MFSD2A: variants seen among roughly 807,000 people sequenced by gnomAD.
The protein encoded by MFSD2A is MFSD2 lysolipid transporter A, lysophospholipid, also known as sodium-dependent lysophosphatidylcholine symporter 1.
A neutral mutation model predicts 64.7 loss-of-function variants in MFSD2A; 27 were observed. That is an observed-to-expected ratio of 0.42 (90% CI 0.31 to 0.58). The LOEUF is 0.58. Ranked by LOEUF, MFSD2A falls within the 20% of genes least tolerant of loss-of-function variation. The probability of loss-of-function intolerance (pLI) is 0.18; values close to 1 mark genes in which losing one functional copy is unlikely to be tolerated. For synonymous variants in MFSD2A, 258 were observed against 273.4 expected, an observed-to-expected ratio of 0.94 and a Z score of 0.55; for missense variants, 474 against 679.5, an observed-to-expected ratio of 0.70 and a Z score of 3.36.
In MFSD2A at chr1:39,968,473, C is replaced by T; in HGVS notation, c.1348C>T (p.Leu450=). Residue 450 remains leucine, a synonymous_variant, in exon 12 of 14, where the codon CTG becomes TTG. Coordinates refer to ENST00000372811, the MANE Select transcript of MFSD2A (RefSeq NM_032793.5). This position sits in a 1 kb window ranked among gnomAD's most constrained non-coding sequence, Gnocchi z 4.4. ...GTCACTGGGCATTTCTACCCTCAGT[C>T]TGGAGTGAGTGGGGTGGGGACCTGG... ...GVSLGISTLS[L]DFAGYQTRGC... 1 of 1,614,184 alleles carries T rather than the reference C, an allele frequency of 6.2e-7. No individual in the cohort carries two copies. The highest frequency in any genetic ancestry group is 8.5e-7 in the Non-Finnish European group (1 of 1,179,998).
In MFSD2A at chr1:39,955,903, C is replaced by A; in HGVS notation, c.93+518C>A. 1 of 226,062 alleles carries A rather than the reference C, an allele frequency of 4.4e-6. No individual in the cohort carries two copies. Among genetic ancestry groups the A allele is most frequent in the South Asian group, 4.2e-5 (1 of 23,928 alleles). The allele number at this position is 226,062 out of a possible 1,614,324, so 14.0% of individuals were successfully genotyped here. A position where few individuals can be genotyped will look rare whatever the true frequency, so the allele number is the denominator to read the frequency against. ...CTGAATGTGGATGTTCGCGCGGGAA[C>A]GGTGCTTTGCGCATCGAGACCATCG... On this transcript the variant is annotated intron_variant, in intron 1 of 13. Transcript: ENST00000372811. This position sits in a 1 kb window ranked among gnomAD's most constrained non-coding sequence, Gnocchi z 5.9.
Position 39,960,546 on chromosome 1 carries a change from G to C in MFSD2A, c.353+1721G>C, listed in dbSNP as rs1645017307. Among the ~76,000 whole-genome samples, 1 of 152,252 alleles carries C rather than the reference G, an allele frequency of 6.6e-6. No individual in the cohort carries two copies. Among genetic ancestry groups the C allele is most frequent in the South Asian group, 2.1e-4 (1 of 4,834 alleles). On this transcript the variant is annotated intron_variant, in intron 3 of 13. Transcript: ENST00000372811. The surrounding 1 kb of genome is among the most constrained non-coding windows in gnomAD (Gnocchi z 4.8). Reference sequence around the variant, plus strand: ...CCTGTGCCCGCCTCCCTGGCAGCCAGTAGAAGGGGAGGCTCTGCTGCCACG... The same window carrying C: ...CCTGTGCCCGCCTCCCTGGCAGCCACTAGAAGGGGAGGCTCTGCTGCCACG...
At chr1:39,959,359 CA>C (rs1410797424) in intron 3 of MFSD2A, among the ~76,000 whole-genome samples, 2 of 151,684 alleles carry the variant, frequency 1.3e-5, no homozygotes, top group Non-Finnish European at 2.9e-5. Flanking sequence ...GTGATCTTCC[CA>C]CCTCAGCCTC....
In MFSD2A at chr1:39,968,251, A is replaced by G; in HGVS notation, c.1209-83A>G. 1 of 1,570,908 alleles carries G rather than the reference A, an allele frequency of 6.4e-7. No individual in the cohort carries two copies. On this transcript the variant is annotated intron_variant, in intron 11 of 13. Coordinates refer to ENST00000372811, the MANE Select transcript of MFSD2A (RefSeq NM_032793.5). This position sits in a 1 kb window ranked among gnomAD's most constrained non-coding sequence, Gnocchi z 4.4. ...TGAGCTGTGTACCCATGGTACTGCA[A>G]GCTTCCAGAGGGCCACCTCTTCTCA...
Position 39,958,687 on chromosome 1 carries a change from T to C in MFSD2A, c.229-14T>C. The C allele has an allele frequency of 6.2e-7, 1 of 1,614,038 alleles. No homozygotes were observed. Among genetic ancestry groups the C allele is most frequent in the Non-Finnish European group, 8.5e-7 (1 of 1,180,000 alleles). On this transcript the variant is annotated splice_polypyrimidine_tract_variant and intron_variant, in intron 2 of 13. Transcript: ENST00000372811. The surrounding 1 kb of genome is among the most constrained non-coding windows in gnomAD (Gnocchi z 4.7). ...AAGGATGAGGAAGTTGTCTTTTGCT[T>C]CTCCTCATTCCAGGTGGGCCCTTTC... is the stretch of plus-strand genomic sequence containing the variant.
chr1:39,968,437 G>C lies in MFSD2A; in HGVS notation c.1312G>C (p.Ala438Pro), dbSNP rs1645210244. The C allele has an allele frequency of 6.2e-7, 1 of 1,614,038 alleles. No homozygotes were observed. The highest frequency in any genetic ancestry group is 8.5e-7 in the Non-Finnish European group (1 of 1,180,020). ...FSFYVFFTKF[A>P]SGVSLGISTL... is the part of the protein sequence containing the mutation. ...CTTCTATGTCTTCTTCACCAAGTTT[G>C]CCTCTGGAGTGTCACTGGGCATTTC... The change falls in exon 12 of 14, where the codon GCC (alanine) becomes CCC (proline). Residue 438 changes from alanine to proline, a missense_variant. Physicochemically the swap from Ala to Pro is conservative, Grantham distance 27. Transcript: ENST00000372811. This position sits in a 1 kb window ranked among gnomAD's most constrained non-coding sequence, Gnocchi z 4.4.
In MFSD2A at chr1:39,957,079, C is replaced by T; in HGVS notation, c.94-8C>T. 1.2e-6 allele frequency: 2 copies of T among 1,614,152 alleles called. No individual in the cohort carries two copies. The highest frequency in any genetic ancestry group is 1.7e-6 in the Non-Finnish European group (2 of 1,180,018). Reference sequence around the variant, plus strand: ...CTTGGGCCTTTCATCTTTTCCTCCTCTTCCCAGAAAGAACCGAAAAAGAAG... The same window carrying T: ...CTTGGGCCTTTCATCTTTTCCTCCTTTTCCCAGAAAGAACCGAAAAAGAAG... On this transcript the variant is annotated splice_polypyrimidine_tract_variant and splice_region_variant and intron_variant, in intron 1 of 13. Transcript: ENST00000372811.
chr1:39,963,852 A>G lies in MFSD2A; in HGVS notation c.354-1359A>G, dbSNP rs1224441392. Among the ~76,000 whole-genome samples the G allele has an allele frequency of 6.6e-6, 1 of 152,166 alleles. No homozygotes were observed. The highest frequency in any genetic ancestry group is 1.5e-5 in the Non-Finnish European group (1 of 68,042). On this transcript the variant is annotated intron_variant, in intron 3 of 13. Transcript: ENST00000372811. This position sits in a 1 kb window ranked among gnomAD's most constrained non-coding sequence, Gnocchi z 4.2. Reference sequence around the variant, plus strand: ...CGGGTTCAAGTGATTCTCCCGCTTCAGCCTCCCGAGGAGCTGGGACTACAG... The same window carrying G: ...CGGGTTCAAGTGATTCTCCCGCTTCGGCCTCCCGAGGAGCTGGGACTACAG...
At chr1:39,956,617 T>A (rs1376373951) in intron 1 of MFSD2A, among the ~76,000 whole-genome samples, 1 of 152,142 alleles carries the variant, frequency 6.6e-6, no homozygotes, top group East Asian at 1.9e-4. Context: ...GGGAGGTGGC[T>A]TAGGGGCTAC....
chr1:39,959,373 G>T lies in MFSD2A; in HGVS notation c.353+548G>T, dbSNP rs374318538. 2.8e-3 allele frequency among the ~76,000 whole-genome samples: 418 copies of T among 151,180 alleles called. 4 individuals are homozygous for T. The highest frequency in any genetic ancestry group is 9.7e-3 in the African/African-American group (401 of 41,200). On this transcript the variant is annotated intron_variant, in intron 3 of 13. Coordinates refer to ENST00000372811, the MANE Select transcript of MFSD2A (RefSeq NM_032793.5). ...AGTGATCTTCCCACCTCAGCCTCTC[G>T]AGTAGCTGCGACTACAGGCACGTGC... is the stretch of plus-strand genomic sequence containing the variant.
At position 39,963,443 on chromosome 1, in the gene MFSD2A, T is replaced by TAA; in HGVS notation, c.354-1759_354-1758dup. 4.0e-6 allele frequency: 2 copies of TAA among 500,172 alleles called. No homozygotes were observed. The highest frequency in any genetic ancestry group is 3.2e-5 in the East Asian group (1 of 31,722). The allele number at this position is 500,172 out of a possible 1,614,324, so 31.0% of individuals were successfully genotyped here. On this transcript the variant is annotated intron_variant, in intron 3 of 13. Coordinates refer to ENST00000372811, the MANE Select transcript of MFSD2A (RefSeq NM_032793.5). The surrounding 1 kb of genome is among the most constrained non-coding windows in gnomAD (Gnocchi z 4.2). Reference sequence around the variant, plus strand: ...GAGAAGTAAAGTGAATTAAGCCTGTTAAAAAAAAAATGTTTACGAGACAGA... The same window carrying TAA: ...GAGAAGTAAAGTGAATTAAGCCTGTTAAAAAAAAAAAATGTTTACGAGACAGA...
intron 1 of MFSD2A, among the ~76,000 whole-genome samples, chr1:39,956,832 C>T (rs974810225): frequency 7.3e-6 from 1 of 137,610 alleles, no homozygotes; most frequent in African/African-American, 2.7e-5. Flanking sequence ...AGGAGAATGG[C>T]GTGAACCCAG....
intron 6 of MFSD2A, 152 bp downstream of exon 6, chr1:39,966,166 C>A: frequency 1.1e-6 from 1 of 934,766 alleles, no homozygotes; most frequent in Non-Finnish European, 1.6e-6. Context: ...ACCTACTTTG[C>A]AGAAAAAGAA....
In MFSD2A at chr1:39,963,415, C is replaced by T; in HGVS notation, c.354-1796C>T. 1.6e-6 allele frequency: 1 copy of T among 618,674 alleles called. No individual in the cohort carries two copies. Among genetic ancestry groups the T allele is most frequent in the Non-Finnish European group, 2.9e-6 (1 of 347,910 alleles). 38.3% of individuals were successfully genotyped at this position (618,674 alleles called of 1,614,324 possible). ...GTGGCTACAACATAGGGTTTTTATACAAGAGAAGTAAAGTGAATTAAGCCT... is the reference window on the plus strand; with the variant it reads ...GTGGCTACAACATAGGGTTTTTATATAAGAGAAGTAAAGTGAATTAAGCCT... On this transcript the variant is annotated intron_variant, in intron 3 of 13. Coordinates refer to ENST00000372811, the MANE Select transcript of MFSD2A (RefSeq NM_032793.5). The surrounding 1 kb of genome is among the most constrained non-coding windows in gnomAD (Gnocchi z 4.2).
rs761639987 is a variant in MFSD2A at position 39,965,377 on chromosome 1, G to A, written c.477+43G>A. On this transcript the variant is annotated intron_variant, in intron 4 of 13. Coordinates refer to ENST00000372811, the MANE Select transcript of MFSD2A (RefSeq NM_032793.5). This position sits in a 1 kb window ranked among gnomAD's most constrained non-coding sequence, Gnocchi z 5.5. ...CCTTGGGTGTCTCTAGGGGCCGGGA[G>A]GAGGGCGGTCCTTGGGGCCCCCAGG... 2 of 1,613,666 alleles carry A rather than the reference G, an allele frequency of 1.2e-6. No individual in the cohort carries two copies. Among genetic ancestry groups the A allele is most frequent in the Non-Finnish European group, 8.5e-7 (1 of 1,179,772 alleles).
At position 39,965,735 on chromosome 1, in the gene MFSD2A, C is replaced by T. The variant is rs931994414; in HGVS notation, c.557-122C>T. 53 of 1,340,680 alleles carry T rather than the reference C, an allele frequency of 4.0e-5. No individual in the cohort carries two copies. Among genetic ancestry groups the T allele is most frequent in the Non-Finnish European group, 5.2e-5 (50 of 960,992 alleles). The allele number at this position is 1,340,680 out of a possible 1,614,324, so 83.0% of individuals were successfully genotyped here. ...CATATGCGTTCAAACCAAGGTGTCA[C>T]CTACCCCACTACCTCTACCCACCCT... On this transcript the variant is annotated intron_variant, in intron 5 of 13. Transcript: ENST00000372811. This position sits in a 1 kb window ranked among gnomAD's most constrained non-coding sequence, Gnocchi z 5.5.
At chr1:39,962,563 G>C in intron 3 of MFSD2A, 1 of 618,076 alleles carries the variant, frequency 1.6e-6, no homozygotes, top group East Asian at 2.8e-5. Flanking sequence ...GATGACACTG[G>C]TGCAGCGGGG....
At chr1:39,962,639 T>A (rs1179122449) in intron 3 of MFSD2A, 2 of 847,820 alleles carry the variant, frequency 2.4e-6, no homozygotes, top group Non-Finnish European at 3.8e-6. Flanking sequence ...GTTTCGGCAG[T>A]GGCATCCGGG....
Position 39,966,884 on chromosome 1 carries a change from A to G in MFSD2A, c.879A>G (p.Pro293=), listed in dbSNP as rs753461402. 3 of 1,613,708 alleles carry G rather than the reference A, an allele frequency of 1.9e-6. No homozygotes were observed. Among genetic ancestry groups the G allele is most frequent in the South Asian group, 2.2e-5 (2 of 91,084 alleles). Reference sequence around the variant, plus strand: ...TACGGCTGGTCATGAGCCACGGCCCATACATCAAACTTATTACTGGCTTCC... The same window carrying G: ...TACGGCTGGTCATGAGCCACGGCCCGTACATCAAACTTATTACTGGCTTCC... The part of the protein sequence containing the change: ...RGLRLVMSHG[P]YIKLITGFLF... Residue 293 remains proline (P), a synonymous_variant, in exon 8 of 14, where the codon CCA becomes CCG. Transcript: ENST00000372811.
Sources: gnomAD v4.1 joint callset for allele counts (sites outside exome capture counted in the v4.1 genomes callset) on GRCh38, gnomAD v4.1.1 for gene constraint, Gnocchi (gnomAD v3.1) non-coding constraint, MANE v1.5 for transcripts, NCBI Gene and HGNC (gene_info 2026-07-23, HGNC 2026-07-21) for gene names.